Variants in ATP1A1 observed in about 807,000 individuals in gnomAD.
ATP1A1 encodes the protein sodium/potassium-transporting ATPase subunit alpha-1.
ATP1A1 carries 14 observed loss-of-function variants against 114.8 expected under a neutral mutation model. The ratio of observed to expected loss-of-function variants is 0.12; its 90% CI spans 0.08 to 0.19. ATP1A1 has a LOEUF of 0.19. Ranked by LOEUF, ATP1A1 falls within the 10% of genes least tolerant of loss-of-function variation. The pLI, the probability that ATP1A1 is intolerant of heterozygous loss-of-function variation, is 1.00. For missense variants in ATP1A1, 524 were observed against 1,290.7 expected (o/e 0.41, Z 9.10); for synonymous variants, 471 against 466.3 (o/e 1.01, Z -0.13).
rs561701752 is a variant in ATP1A1 at position 116,402,461 on chromosome 1, CCT to C, written c.2951+807_2951+808del. Among the ~76,000 whole-genome samples, 571 of 152,300 alleles carry C rather than the reference CCT, an allele frequency of 3.7e-3. 2 individuals are homozygous for C. The highest frequency in any genetic ancestry group is 0.013 in the African/African-American group (543 of 41,546). ...ACCCGTCTGGACCATCTCTCAATCC[CCT>C]GTTGCCAGCACTTCCTTCAGCTCAT... On this transcript the variant is annotated intron_variant, in intron 21 of 22. Transcript: ENST00000295598.
intron 1 of ATP1A1, chr1:116,373,973 C>T: frequency 5.8e-6 from 8 of 1,379,944 alleles, no homozygotes; most frequent in Admixed American, 6.3e-5. Context: ...CCCTCCGTGC[C>T]CTGAGGAAAG....
intron 21 of ATP1A1, among the ~76,000 whole-genome samples, chr1:116,402,350 G>A (rs975299845): frequency 1.3e-4 from 20 of 152,226 alleles, no homozygotes; most frequent in Admixed American, 3.9e-4. Context: ...GCCACAGATT[G>A]TGGGACCCAT....
chr1:116,373,345 C>G lies in ATP1A1; in HGVS notation c.-167C>G, dbSNP rs1293782745. 3.2e-6 allele frequency: 2 copies of G among 615,650 alleles called. No homozygotes were observed. The highest frequency in any genetic ancestry group is 4.9e-6 in the Non-Finnish European group (2 of 409,830). 38.1% of individuals were successfully genotyped at this position (615,650 alleles called of 1,614,324 possible). A position where few individuals can be genotyped will look rare whatever the true frequency, so the allele number is the denominator to read the frequency against. ...GCGGCGGCAGCAACAGCGGCGGCGG[C>G]ATCGGCCCGAGCCGCCGGCCGCCCT... On this transcript the variant is annotated 5_prime_UTR_variant, in exon 1 of 23. Transcript: ENST00000295598.
At position 116,387,264 on chromosome 1, in the gene ATP1A1, T is replaced by G; in HGVS notation, c.184-24T>G. 1 of 1,613,468 alleles carries G rather than the reference T, an allele frequency of 6.2e-7. No individual in the cohort carries two copies. Among genetic ancestry groups the G allele is most frequent in the Non-Finnish European group, 8.5e-7 (1 of 1,179,924 alleles). On this transcript the variant is annotated intron_variant, in intron 3 of 22. Coordinates refer to ENST00000295598, the MANE Select transcript of ATP1A1 (RefSeq NM_000701.8). The surrounding 1 kb of genome is among the most constrained non-coding windows in gnomAD (Gnocchi z 6.7). ...TTGTAAGTGCTGGTACAGTTTGCCT[T>G]ATTTATATTCCACTGCTTCTCAGGG...
At position 116,390,407 on chromosome 1, in the gene ATP1A1, G is replaced by A; in HGVS notation, c.1218G>A (p.Gln406=). ...QIHEADTTEN[Q]SGVSFDKTSA... ...ATGAAGCTGATACGACAGAGAATCA[G>A]AGTGGTAAGGCCAGGGTTACCACAC... Residue 406 remains glutamine, a synonymous_variant, in exon 9 of 23, where the codon CAG becomes CAA. Coordinates refer to ENST00000295598, the MANE Select transcript of ATP1A1 (RefSeq NM_000701.8). The A allele has an allele frequency of 6.2e-7, 1 of 1,613,924 alleles. No homozygotes were observed. Among genetic ancestry groups the A allele is most frequent in the South Asian group, 1.1e-5 (1 of 91,054 alleles).
At chr1:116,378,093 C>A (rs567314972) in intron 1 of ATP1A1, among the ~76,000 whole-genome samples, 9 of 152,308 alleles carry the variant, frequency 5.9e-5, no homozygotes, top group Non-Finnish European at 1.2e-4. Context: ...ATTAGTTGTG[C>A]TGAAATCTGT....
At chr1:116,386,126 CAAAAAAAAAAAAAAAAAAA>C (rs59480092) in intron 3 of ATP1A1, 1,564 of 36,336 alleles carry the variant, frequency 0.043, 45 homozygotes, top group Admixed American at 0.11. Context: ...AACTCCATCT[CAAAAAAAAAAAAAAAAAAA>C]AAAAAAAAAA....
At chr1:116,377,257 A>T (rs1651434080) in intron 1 of ATP1A1, among the ~76,000 whole-genome samples, 1 of 152,220 alleles carries the variant, frequency 6.6e-6, no homozygotes, top group Non-Finnish European at 1.5e-5. Flanking sequence ...TGTTCTGTTT[A>T]TGGAAGGAGT....
rs1652237550 is a variant in ATP1A1 at position 116,388,392 on chromosome 1, T to C, written c.501+148T>C. On this transcript the variant is annotated intron_variant, in intron 5 of 22. Transcript: ENST00000295598. The surrounding 1 kb of genome is among the most constrained non-coding windows in gnomAD (Gnocchi z 5.6). ...TCTACCCCACCCAAAACCAACCTATTTTCCTTCTATCCAAAAAGTGGTAGC... is the reference window on the plus strand; with the variant it reads ...TCTACCCCACCCAAAACCAACCTATCTTCCTTCTATCCAAAAAGTGGTAGC... The C allele has an allele frequency of 5.2e-6, 5 of 953,104 alleles. No individual in the cohort carries two copies. The Admixed American group carries it at 1.4e-4, about 27-fold the overall frequency. 59.0% of individuals were successfully genotyped at this position (953,104 alleles called of 1,614,324 possible).
rs758779187 is a variant in ATP1A1 at position 116,384,794 on chromosome 1, A to G, written c.135A>G (p.Lys45=). The G allele has an allele frequency of 4.3e-6, 7 of 1,613,346 alleles. No homozygotes were observed. In the South Asian group the frequency reaches 5.5e-5, roughly 13 times the overall value. ...LKKEVSMDDH[K]LSLDELHRKY... The stretch of plus-strand genomic sequence containing the variant: ...CTGTTTTCCCTTAGGATGATCATAA[A>G]CTTAGCCTTGATGAACTTCATCGTA... Residue 45 remains lysine (K), a synonymous_variant, in exon 3 of 23, where the codon AAA becomes AAG. Transcript: ENST00000295598. This position sits in a 1 kb window ranked among gnomAD's most constrained non-coding sequence, Gnocchi z 5.1.
intron 1 of ATP1A1, chr1:116,374,028 C>T (rs1651182191): frequency 7.1e-7 from 1 of 1,410,688 alleles, no homozygotes. Context: ...GGGGCCTCCT[C>T]CCGGGCCTCC....
chr1:116,383,008 C>T (rs952586093), intron 1 of ATP1A1, among the ~76,000 whole-genome samples: 2 of 152,100 alleles, frequency 1.3e-5, no homozygotes, highest in Non-Finnish European at 2.9e-5. Context: ...CTTTGGAGCA[C>T]CAAGTTCAGG....
rs1652602511 is a variant in ATP1A1, at chr1:116,393,065, G to A, written c.1467+77G>A. The A allele has an allele frequency of 6.4e-7, 1 of 1,563,290 alleles. No individual in the cohort carries two copies. Among genetic ancestry groups the A allele is most frequent in the Non-Finnish European group, 8.7e-7 (1 of 1,153,026 alleles). On this transcript the variant is annotated intron_variant, in intron 11 of 22. Transcript: ENST00000295598. The surrounding 1 kb of genome is among the most constrained non-coding windows in gnomAD (Gnocchi z 5.0). ...AGGGGAGGTACATGAGCAGGAAGAGGAAATATTCTCCCTTTGGAGTTTTAT... is the reference window on the plus strand; with the variant it reads ...AGGGGAGGTACATGAGCAGGAAGAGAAAATATTCTCCCTTTGGAGTTTTAT...
chr1:116,381,103 G>T lies in ATP1A1; in HGVS notation c.13-2911G>T, dbSNP rs537072771. ...TCACTCCCAGTCCTCTGGGAGGGGGGAAGTGACCTGAACTTTCTAATTGAA... is the reference window on the plus strand; with the variant it reads ...TCACTCCCAGTCCTCTGGGAGGGGGTAAGTGACCTGAACTTTCTAATTGAA... On this transcript the variant is annotated intron_variant, in intron 1 of 22. Coordinates refer to ENST00000295598, the MANE Select transcript of ATP1A1 (RefSeq NM_000701.8). The surrounding 1 kb of genome is among the most constrained non-coding windows in gnomAD (Gnocchi z 5.1). 6.6e-6 allele frequency among the ~76,000 whole-genome samples: 1 copy of T among 152,194 alleles called. No individual in the cohort carries two copies. Among genetic ancestry groups the T allele is most frequent in the Non-Finnish European group, 1.5e-5 (1 of 68,040 alleles).
chr1:116,396,331 A>G (rs1281320061), intron 13 of ATP1A1, among the ~76,000 whole-genome samples: 1 of 116,432 alleles, frequency 8.6e-6, no homozygotes, highest in Non-Finnish European at 1.7e-5. Context: ...ATTTTTATGT[A>G]ACTCTGTAGA....
rs1301784371 is a variant in ATP1A1 at position 116,373,967 on chromosome 1, C to T, written c.12+444C>T. On this transcript the variant is annotated intron_variant, in intron 1 of 22. Coordinates refer to ENST00000295598, the MANE Select transcript of ATP1A1 (RefSeq NM_000701.8). Reference sequence around the variant, plus strand: ...TTCTCCTTCCTTTTCCCTCCGCCCTCCGTGCCCTGAGGAAAGGCGCGCTCC... The same window carrying T: ...TTCTCCTTCCTTTTCCCTCCGCCCTTCGTGCCCTGAGGAAAGGCGCGCTCC... The T allele has an allele frequency of 4.4e-6, 6 of 1,376,110 alleles. No homozygotes were observed. In the South Asian group the frequency reaches 5.1e-5, roughly 12 times the overall value. The allele number at this position is 1,376,110 out of a possible 1,614,324, so 85.2% of individuals were successfully genotyped here.
intron 1 of ATP1A1, among the ~76,000 whole-genome samples, chr1:116,382,864 ATAATAG>A (rs2101036473): frequency 6.6e-6 from 1 of 152,378 alleles, no homozygotes; most frequent in South Asian, 2.1e-4. Context: ...GAACCACAAA[ATAATAG>A]TAATAGCACC....
At chr1:116,403,124 G>A (rs1653652196) in intron 21 of ATP1A1, among the ~76,000 whole-genome samples, 1 of 152,230 alleles carries the variant, frequency 6.6e-6, no homozygotes, top group South Asian at 2.1e-4. Context: ...GACAGGTTCT[G>A]CCCAATTTTG....
intron 1 of ATP1A1, among the ~76,000 whole-genome samples, chr1:116,378,620 C>T (rs530131021): frequency 2.2e-4 from 33 of 152,220 alleles, no homozygotes; most frequent in African/African-American, 7.2e-4. Flanking sequence ...CTTTTATCTT[C>T]CACATGATGC....
Sources: gnomAD v4.1 joint callset for allele counts (sites outside exome capture counted in the v4.1 genomes callset) on GRCh38, gnomAD v4.1.1 for gene constraint, Gnocchi (gnomAD v3.1) non-coding constraint, MANE v1.5 for transcripts, NCBI Gene and HGNC (gene_info 2026-07-23, HGNC 2026-07-21) for gene names.